Variants in CNOT6L observed in about 807,000 individuals in gnomAD.
CNOT6L encodes CCR4-NOT transcription complex subunit 6-like.
A neutral mutation model predicts 64.0 loss-of-function variants in CNOT6L; 7 were observed. That is an observed-to-expected ratio of 0.11 (90% CI 0.06 to 0.21). The LOEUF is 0.21. CNOT6L is among the 10% of genes least tolerant of loss of function. CNOT6L has a pLI of 1.00. For synonymous variants in CNOT6L, 193 were observed against 243.4 expected (o/e 0.79, Z 1.93); for missense variants, 245 against 669.0 (o/e 0.37, Z 6.99).
Position 77,720,595 on chromosome 4 carries a change from C to G in CNOT6L, c.1504G>C (p.Gly502Arg). ...TGAGGATCTAAAGGCCCCAGGACAC[C>G]AAGCACGTTCATATGAGTCTTGGAA... Reference protein sequence around the residue: ...FYSKTHMNVLGVLGPLDPQWL... With the variant: ...FYSKTHMNVLRVLGPLDPQWL... Residue 502 changes from glycine to arginine, a missense_variant, in exon 12 of 12, where the codon GGT becomes CGT. By Grantham distance (125) the Gly-to-Arg change is moderately radical. Coordinates refer to ENST00000504123, the MANE Select transcript of CNOT6L (RefSeq NM_144571.3). 1 of 1,613,292 alleles carries G rather than the reference C, an allele frequency of 6.2e-7. No homozygotes were observed. The highest frequency in any genetic ancestry group is 8.5e-7 in the Non-Finnish European group (1 of 1,179,426).
intron 5 of CNOT6L, among the ~76,000 whole-genome samples, chr4:77,755,243 T>G (rs1214067400): frequency 4.6e-5 from 6 of 130,180 alleles, no homozygotes; most frequent in Admixed American, 8.0e-5. Context: ...TTTTTTTTTT[T>G]TTTTTTTTTT....
At chr4:77,752,907 T>G (rs1725005309) in intron 5 of CNOT6L, among the ~76,000 whole-genome samples, 1 of 151,748 alleles carries the variant, frequency 6.6e-6, no homozygotes. Flanking sequence ...AAGCTAAAAG[T>G]TGGTTCTTCT....
intron 1 of CNOT6L, among the ~76,000 whole-genome samples, chr4:77,806,262 C>A (rs2110161456): frequency 6.6e-6 from 1 of 152,174 alleles, no homozygotes; most frequent in African/African-American, 2.4e-5. Context: ...CCCATCTCTA[C>A]TAAAAATACA....
At chr4:77,799,684 A>G (rs1026559692) in intron 1 of CNOT6L, among the ~76,000 whole-genome samples, 12 of 113,852 alleles carry the variant, frequency 1.1e-4, no homozygotes, top group Non-Finnish European at 1.7e-4. Context: ...AGCCTAGGTG[A>G]GGGGAGTGAA....
At chr4:77,770,743 T>C (rs1727438785) in intron 4 of CNOT6L, among the ~76,000 whole-genome samples, 1 of 152,210 alleles carries the variant, frequency 6.6e-6, no homozygotes, top group East Asian at 1.9e-4. Flanking sequence ...GGCGTCTGAC[T>C]TGATAGATTT....
At chr4:77,775,474 A>T (rs1728047267) in intron 2 of CNOT6L, among the ~76,000 whole-genome samples, 1 of 152,216 alleles carries the variant, frequency 6.6e-6, no homozygotes, top group African/African-American at 2.4e-5. Context: ...AAGATAACAC[A>T]GAGAGTTCCT....
At position 77,799,704 on chromosome 4, in the gene CNOT6L, C is replaced by CAAAAAA. The variant is rs71214370; in HGVS notation, c.5+19594_5+19599dup. Among the ~76,000 whole-genome samples the CAAAAAA allele has an allele frequency of 3.3e-5, 3 of 90,926 alleles. 1 individual carries two copies. Among genetic ancestry groups the CAAAAAA allele is most frequent in the Non-Finnish European group, 6.3e-5 (3 of 47,982 alleles). 59.7% of individuals were successfully genotyped at this position (90,926 alleles called of 152,430 possible). On this transcript the variant is annotated intron_variant, in intron 1 of 11. Transcript: ENST00000504123. ...AGGTGAGGGGAGTGAAACTCCATCTCAAAAAAAAAAAAAAAAAAAGGAACA... is the reference window on the plus strand; with the variant it reads ...AGGTGAGGGGAGTGAAACTCCATCTCAAAAAAAAAAAAAAAAAAAAAAAAAGGAACA...
chr4:77,771,940 T>A (rs1727599803), intron 4 of CNOT6L, among the ~76,000 whole-genome samples: 2 of 152,262 alleles, frequency 1.3e-5, no homozygotes. Flanking sequence ...TATTTGGTCC[T>A]ATTAATTCAT....
At chr4:77,748,154 G>C (rs1367758099) in intron 6 of CNOT6L, among the ~76,000 whole-genome samples, 162 bp downstream of exon 6, 1 of 152,074 alleles carries the variant, frequency 6.6e-6, no homozygotes, top group Non-Finnish European at 1.5e-5. Context: ...CTATTGACAG[G>C]TCTATCTTAA....
Position 77,790,912 on chromosome 4 carries a change from G to A in CNOT6L, c.6-14520C>T, listed in dbSNP as rs901165910. Among the ~76,000 whole-genome samples, 6 of 150,804 alleles carry A rather than the reference G, an allele frequency of 4.0e-5. 1 individual carries two copies. Among genetic ancestry groups the A allele is most frequent in the Admixed American group, 2.7e-4 (4 of 15,092 alleles). On this transcript the variant is annotated intron_variant, in intron 1 of 11. Coordinates refer to ENST00000504123, the MANE Select transcript of CNOT6L (RefSeq NM_144571.3). ...CCTGACCTCGTGATCCACCCGCCTC[G>A]GCTTTCCAAAGTGCTGGGATTACAG...
intron 11 of CNOT6L, among the ~76,000 whole-genome samples, chr4:77,722,279 C>T (rs920082115): frequency 6.6e-6 from 1 of 151,958 alleles, no homozygotes; most frequent in African/African-American, 2.4e-5. Flanking sequence ...TAGGGCTGGG[C>T]ACAGTGGCTC....
At chr4:77,767,062 C>CAAAAAAAAAAAAAAAAA (rs56926683) in intron 4 of CNOT6L, among the ~76,000 whole-genome samples, 1 of 25,968 alleles carries the variant, frequency 3.9e-5, no homozygotes, top group Non-Finnish European at 7.0e-5. Context: ...AACTCCGTCT[C>CAAAAAAAAAAAAAAAAA]AAAAAAAAAA....
intron 6 of CNOT6L, among the ~76,000 whole-genome samples, chr4:77,747,315 C>T (rs1051956960): frequency 5.9e-5 from 9 of 152,000 alleles, no homozygotes; most frequent in Non-Finnish European, 8.8e-5. Flanking sequence ...TACAGGAGTG[C>T]GCTACCACGA....
At chr4:77,819,663 C>A, upstream of CNOT6L, 1 of 150,186 alleles carries the variant, frequency 6.7e-6, no homozygotes, top group Non-Finnish European at 1.5e-5. Context: ...GGTGCTGCGG[C>A]GGCGGGGGAG....
intron 8 of CNOT6L, among the ~76,000 whole-genome samples, chr4:77,738,767 A>T (rs1258028047): frequency 6.6e-6 from 1 of 151,874 alleles, no homozygotes; most frequent in Non-Finnish European, 1.5e-5. Context: ...AAAAAAAAAA[A>T]AAAATGTATT....
At chr4:77,810,934 T>C (rs555679253) in intron 1 of CNOT6L, among the ~76,000 whole-genome samples, 1 of 152,236 alleles carries the variant, frequency 6.6e-6, no homozygotes, top group South Asian at 2.1e-4. Context: ...CTTAACACAG[T>C]GTCCTCTAGT....
At chr4:77,753,462 G>A (rs1725082529) in intron 5 of CNOT6L, among the ~76,000 whole-genome samples, 1 of 152,062 alleles carries the variant, frequency 6.6e-6, no homozygotes, top group South Asian at 2.1e-4. Context: ...CTTGAGGTCA[G>A]GAGTTCGAGA....
chr4:77,753,269 T>C (rs1173328499), intron 5 of CNOT6L, among the ~76,000 whole-genome samples: 2 of 139,788 alleles, frequency 1.4e-5, no homozygotes, highest in Non-Finnish European at 3.1e-5. Flanking sequence ...AATAAGGAAA[T>C]ACTTAAATAA....
At chr4:77,766,630 T>A (rs1176059219) in intron 4 of CNOT6L, among the ~76,000 whole-genome samples, 1 of 150,830 alleles carries the variant, frequency 6.6e-6, no homozygotes, top group Admixed American at 6.6e-5. Context: ...TTTAGAAGAA[T>A]GAGAGTTTAG....
Sources: gnomAD v4.1 joint callset for allele counts (sites outside exome capture counted in the v4.1 genomes callset) on GRCh38, gnomAD v4.1.1 for gene constraint, MANE v1.5 for transcripts, NCBI Gene and HGNC (gene_info 2026-07-23, HGNC 2026-07-21) for gene names.